Variants in ANK3 observed in about 807,000 individuals in gnomAD.
ANK3 encodes the protein ankyrin 3, also known as ankyrin-3.
ANK3 carries 57 observed loss-of-function variants against 370.9 expected under a neutral mutation model. The ratio of observed to expected loss-of-function variants is 0.15; its 90% CI spans 0.12 to 0.19. ANK3 has a LOEUF of 0.19. ANK3 is among the 10% of genes least tolerant of loss of function. The probability of loss-of-function intolerance (pLI) is 1.00; values close to 1 mark genes in which losing one functional copy is unlikely to be tolerated. For missense variants in ANK3, 4,439 were observed against 5,302.1 expected (o/e 0.84, Z 5.06); for synonymous variants, 1,929 against 1,946.3 (o/e 0.99, Z 0.23).
chr10:60,731,067 G>A (rs1229739707), intron 1 of ANK3, among the ~76,000 whole-genome samples: 1 of 152,058 alleles, frequency 6.6e-6, no homozygotes, highest in African/African-American at 2.4e-5. Flanking sequence ...CAGACATTTT[G>A]TGCATAAAAA....
intron 1 of ANK3, among the ~76,000 whole-genome samples, chr10:60,671,026 C>T (rs1293252115): frequency 6.6e-6 from 1 of 152,136 alleles, no homozygotes; most frequent in Non-Finnish European, 1.5e-5. Context: ...ATAAGTAAAT[C>T]AATAGGAACC....
In ANK3 at chr10:60,075,368, T is replaced by G. The variant is rs1484780647; in HGVS notation, c.5513A>C (p.Lys1838Thr). ...VNVLPEPALK[K>T]LPDSNSFTKS... ...TGTAAATGAATTAGAGTCTGGAAGT[T>G]TCTTTAATGCTGGTTCTGGCAAAAC... is the stretch of plus-strand genomic sequence containing the variant. The change falls in exon 37 of 44, where the codon AAA becomes ACA. Residue 1838 changes from lysine (K) to threonine (T), a missense_variant. Around this residue, in one of 13 missense-constraint regions of ANK3, gnomAD observed 679 missense variants for 791.0 expected, o/e 0.86. Coordinates refer to ENST00000280772, the MANE Select transcript of ANK3 (RefSeq NM_020987.5). 3.1e-6 allele frequency: 5 copies of G among 1,614,118 alleles called. No individual in the cohort carries two copies. Among genetic ancestry groups the G allele is most frequent in the Non-Finnish European group, 4.2e-6 (5 of 1,180,014 alleles).
chr10:60,725,826 GA>G (rs1348286323), intron 1 of ANK3, among the ~76,000 whole-genome samples: 1 of 152,104 alleles, frequency 6.6e-6, no homozygotes, highest in Non-Finnish European at 1.5e-5. Flanking sequence ...GGAGATAAGT[GA>G]ATGAGCCTAA....
intron 2 of ANK3, among the ~76,000 whole-genome samples, chr10:60,424,842 T>C (rs12257109): frequency 0.21 from 32,101 of 151,962 alleles, 4,051 homozygotes; most frequent in African/African-American, 0.36. Context: ...AGGGATTACA[T>C]GAGATGCTAA....
chr10:60,428,880 G>A (rs1001606182), intron 2 of ANK3, among the ~76,000 whole-genome samples: 1 of 152,122 alleles, frequency 6.6e-6, no homozygotes, highest in African/African-American at 2.4e-5. Context: ...GTCTTAACTT[G>A]CCTTCTGTGT....
intron 8 of ANK3, among the ~76,000 whole-genome samples, chr10:60,214,876 C>G (rs2096912126): frequency 6.6e-6 from 1 of 152,120 alleles, no homozygotes; most frequent in South Asian, 2.1e-4. Flanking sequence ...GGTATATACC[C>G]AGTAATGGGA....
At chr10:60,048,522 C>G (rs547616144) in intron 42 of ANK3, among the ~76,000 whole-genome samples, 2 of 152,308 alleles carry the variant, frequency 1.3e-5, no homozygotes, top group African/African-American at 4.8e-5. Context: ...TCTGCAGATG[C>G]TCAAGTCCCA....
chr10:60,583,675 C>T lies in ANK3; in HGVS notation c.96+31511G>A, dbSNP rs916833312. ...CTTGGCTCACTGCAACCTCCGCCTC[C>T]GGGTTCACGCGATTCTCCTGCCTCA... On this transcript the variant is annotated intron_variant, in intron 2 of 43. Coordinates refer to the ANK3 transcript ENST00000373827. 3.3e-5 allele frequency among the ~76,000 whole-genome samples: 5 copies of T among 151,934 alleles called. No individual in the cohort carries two copies. In the South Asian group the frequency reaches 6.3e-4, roughly 19 times the overall value.
chr10:60,219,897 C>T (rs996385338), intron 8 of ANK3, among the ~76,000 whole-genome samples: 1 of 152,156 alleles, frequency 6.6e-6, no homozygotes, highest in Admixed American at 6.5e-5. Context: ...TTAAAAATAA[C>T]ATTTGAATTG....
chr10:60,206,167 A>G (rs181689812), intron 10 of ANK3, among the ~76,000 whole-genome samples: 20 of 152,222 alleles, frequency 1.3e-4, no homozygotes, highest in Admixed American at 8.5e-4. Flanking sequence ...TTATTTTGGA[A>G]TTCACTCTTC....
intron 43 of ANK3, among the ~76,000 whole-genome samples, chr10:60,039,153 CA>C (rs2075666430): frequency 1.3e-5 from 2 of 152,326 alleles, no homozygotes; most frequent in Middle Eastern, 3.4e-3. Context: ...CACTTTAAGC[CA>C]GGCAGATGGC....
At chr10:60,715,980 G>A (rs2132019637) in intron 1 of ANK3, among the ~76,000 whole-genome samples, 1 of 152,256 alleles carries the variant, frequency 6.6e-6, no homozygotes, top group East Asian at 1.9e-4. Context: ...TGTTTCAAGT[G>A]GATGCCTTTC....
chr10:60,366,070 C>T (rs574812164), intron 1 of ANK3, among the ~76,000 whole-genome samples: 1 of 152,304 alleles, frequency 6.6e-6, no homozygotes, highest in East Asian at 1.9e-4. Context: ...CATGGTGGCT[C>T]ACACCTGTAA....
Position 60,076,421 on chromosome 10 carries a change from G to T in ANK3, c.4460C>A (p.Ser1487Tyr), listed in dbSNP as rs2131987018. ...CTTGTATGAGTAAGTGGTGGGGAGG[G>T]ATCTTGTTGCTCCTGTACTCCGTTC... The part of the protein sequence containing the change: ...MIERSTGATR[S>Y]LPTTYSYKPF... Residue 1487 changes from serine (S) to tyrosine (Y), a missense_variant, in exon 37 of 44, where the codon TCC becomes TAC. Coordinates refer to ENST00000280772, the MANE Select transcript of ANK3 (RefSeq NM_020987.5). 1.2e-6 allele frequency: 2 copies of T among 1,610,866 alleles called. No individual in the cohort carries two copies. Among genetic ancestry groups the T allele is most frequent in the Non-Finnish European group, 1.7e-6 (2 of 1,178,254 alleles).
At chr10:60,526,671 C>T (rs1403239479) in intron 2 of ANK3, among the ~76,000 whole-genome samples, 2 of 152,042 alleles carry the variant, frequency 1.3e-5, no homozygotes, top group Admixed American at 1.3e-4. Flanking sequence ...ATATTTTCTA[C>T]AACAGATTTC....
rs570694827 is a variant in ANK3, at chr10:60,168,739, C to G, written c.2479-1843G>C. Among the ~76,000 whole-genome samples, 228 of 152,264 alleles carry G rather than the reference C, an allele frequency of 1.5e-3. 1 individual carries two copies. The highest frequency in any genetic ancestry group is 5.0e-3 in the African/African-American group (206 of 41,562). ...GCCCCAGTGTGTGTCCTTCCCCTCC[C>G]TGTGTCCACGTGGTCTTATTGTTCA... On this transcript the variant is annotated intron_variant, in intron 21 of 43. Transcript: ENST00000280772.
chr10:60,345,096 C>A (rs5785439), intron 1 of ANK3, among the ~76,000 whole-genome samples: 2 of 16,404 alleles, frequency 1.2e-4, no homozygotes, highest in Admixed American at 1.8e-3. Context: ...TATTGTGAAA[C>A]AAAGCCCAAC....
In ANK3 at chr10:60,339,231, A is replaced by G. The variant is rs543141179; in HGVS notation, c.114+50194T>C. Among the ~76,000 whole-genome samples the G allele has an allele frequency of 3.3e-5, 5 of 152,302 alleles. No individual in the cohort carries two copies. The South Asian group carries it at 1.0e-3, about 32-fold the overall frequency. On this transcript the variant is annotated intron_variant, in intron 1 of 43. Coordinates refer to ENST00000280772, the MANE Select transcript of ANK3 (RefSeq NM_020987.5). ...TTTTCTGCATTGCGATGAAAATGCA[A>G]TCTACTCAGAGGCCAATCATATTTC... is the stretch of plus-strand genomic sequence containing the variant.
At chr10:60,242,719 G>A (rs776571768) in intron 7 of ANK3, among the ~76,000 whole-genome samples, 34 of 152,108 alleles carry the variant, frequency 2.2e-4, no homozygotes, top group Non-Finnish European at 4.4e-4. Flanking sequence ...GTGTCAAGAG[G>A]AGACATGAGA....
Sources: allele counts gnomAD v4.1 joint callset (sites outside exome capture counted in the v4.1 genomes callset), GRCh38; gene constraint gnomAD v4.1.1; regional missense constraint gnomAD v4.1.1; transcripts MANE v1.5; gene names NCBI Gene and HGNC (gene_info 2026-07-23, HGNC 2026-07-21).